The following PLOD1 variants were observed in gnomAD, a reference collection of about 807,000 sequenced individuals.
The protein encoded by PLOD1 is procollagen-lysine,2-oxoglutarate 5-dioxygenase 1.
A neutral mutation model predicts 94.7 loss-of-function variants in PLOD1; 70 were observed. The observed-to-expected ratio is 0.74, with a 90% confidence interval of 0.61 to 0.90. PLOD1 has a LOEUF of 0.90. Among genes scored for constraint, PLOD1 ranks in the 40% least tolerant of loss-of-function variants. The probability of loss-of-function intolerance (pLI) is 0.00; values close to 1 mark genes in which losing one functional copy is unlikely to be tolerated. For synonymous variants in PLOD1, 417 were observed against 400.2 expected, an observed-to-expected ratio of 1.04 and a Z score of -0.50; for missense variants, 905 against 972.7, an observed-to-expected ratio of 0.93 and a Z score of 0.93.
chr1:11,956,729 T>TC (rs1284848734), intron 6 of PLOD1, among the ~76,000 whole-genome samples, 188 bp from the exon 7 acceptor site: 1 of 152,028 alleles, frequency 6.6e-6, no homozygotes, highest in Non-Finnish European at 1.5e-5. Flanking sequence ...ACACAAATCC[T>TC]CCCCCTCACC....
rs200395169 is a variant in PLOD1 at position 11,970,825 on chromosome 1, G to T, written c.1902+9G>T. The stretch of plus-strand genomic sequence containing the variant: ...CCGGCTACTACACCAGGGTGGGCAA[G>T]CCTGGGGCATAGCCAGGATGCGGGG... On this transcript the variant is annotated intron_variant, in intron 17 of 18. Transcript: ENST00000196061. The T allele has an allele frequency of 1.0e-5, 16 of 1,605,206 alleles. No homozygotes were observed. In the East Asian group the frequency reaches 3.4e-4, roughly 34 times the overall value.
chr1:11,973,190 C>T (rs1009838954), intron 18 of PLOD1, among the ~76,000 whole-genome samples, 193 bp downstream of exon 18: 6 of 152,078 alleles, frequency 3.9e-5, no homozygotes, highest in Admixed American at 2.0e-4. Flanking sequence ...GGGCCAGGCT[C>T]TTAAGCTACT....
chr1:11,943,301 T>TTTC (rs200602795), intron 1 of PLOD1, among the ~76,000 whole-genome samples: 1,076 of 101,876 alleles, frequency 0.011, 10 homozygotes, highest in African/African-American at 0.031. Flanking sequence ...TTTTTCTTTC[T>TTTC]TTTTTTTTTT....
chr1:11,935,002 CTT>C (rs904836001), intron 1 of PLOD1, 147 bp downstream of exon 1: 24 of 1,070,208 alleles, frequency 2.2e-5, no homozygotes, highest in Non-Finnish European at 2.6e-5. Flanking sequence ...TCGCTGGTGA[CTT>C]GAACAAATCA....
At chr1:11,944,927 C>A (rs1489495161) in intron 1 of PLOD1, among the ~76,000 whole-genome samples, 2 of 152,224 alleles carry the variant, frequency 1.3e-5, no homozygotes, top group Non-Finnish European at 2.9e-5. Context: ...TGCTGTCAAT[C>A]TGGCCACCAG....
intron 1 of PLOD1, among the ~76,000 whole-genome samples, chr1:11,939,187 A>C (rs1048426700): frequency 6.6e-6 from 1 of 152,044 alleles, no homozygotes; most frequent in Non-Finnish European, 1.5e-5. Context: ...GAAGGGTCCC[A>C]GGAGTCAGTC....
At chr1:11,948,599 A>G (rs115189622) in intron 2 of PLOD1, among the ~76,000 whole-genome samples, 12,432 of 152,076 alleles carry the variant, frequency 0.082, 604 homozygotes, top group South Asian at 0.13. Flanking sequence ...GCATGATGGC[A>G]CGCACCTGTA....
intron 6 of PLOD1, among the ~76,000 whole-genome samples, chr1:11,956,141 T>TG (rs887636601): frequency 6.7e-6 from 1 of 148,946 alleles, no homozygotes; most frequent in African/African-American, 2.5e-5. Flanking sequence ...CCCAGCACTT[T>TG]GGGAGGCCAA....
intron 9 of PLOD1, 28 bp from the exon 10 acceptor site, chr1:11,960,618 G>C (rs759025771): frequency 1.1e-4 from 114 of 1,004,930 alleles, no homozygotes; most frequent in Non-Finnish European, 1.7e-4. Context: ...CCTCACCCCC[G>C]CATCCCCTTC....
In PLOD1 at chr1:11,974,965, T is replaced by C. The variant is rs1569746681; in HGVS notation, c.*157T>C. 1.3e-6 allele frequency: 1 copy of C among 783,630 alleles called. No homozygotes were observed. The highest frequency in any genetic ancestry group is 2.6e-5 in the East Asian group (1 of 39,130). 48.5% of individuals were successfully genotyped at this position (783,630 alleles called of 1,614,324 possible). The stretch of plus-strand genomic sequence containing the variant: ...ACCAATCAAAGAGATTCAAAGAGAT[T>C]CCTGCAGGCCAGAGGCGGAACACAC... On this transcript the variant is annotated 3_prime_UTR_variant, in exon 19 of 19. Transcript: ENST00000196061.
chr1:11,958,624 A>G lies in PLOD1; in HGVS notation c.952A>G (p.Met318Val). 3 of 1,614,060 alleles carry G rather than the reference A, an allele frequency of 1.9e-6. No individual in the cohort carries two copies. Among genetic ancestry groups the G allele is most frequent in the Non-Finnish European group, 1.7e-6 (2 of 1,180,016 alleles). Residue 318 changes from methionine (M) to valine (V), a missense_variant, in exon 9 of 19, where the codon ATG (methionine) becomes GTG (valine). Coordinates refer to ENST00000196061, the MANE Select transcript of PLOD1 (RefSeq NM_000302.4). The surrounding 1 kb of genome is among the most constrained non-coding windows in gnomAD (Gnocchi z 4.3). Reference sequence around the variant, plus strand: ...GCGGCTCCACTACCCCCAGAAACACATGCGACTTTTCATCCACAACCACGT... The same window carrying G: ...GCGGCTCCACTACCCCCAGAAACACGTGCGACTTTTCATCCACAACCACGT... ...LLRLHYPQKH[M>V]RLFIHNHEQH...
At chr1:11,966,965 A>C in intron 15 of PLOD1, 22 bp from the exon 16 acceptor site, 1 of 1,465,250 alleles carries the variant, frequency 6.8e-7, no homozygotes, top group African/African-American at 1.4e-5. Context: ...GACCCCCTTG[A>C]CTGAGTCCCT....
At position 11,958,243 on chromosome 1, in the gene PLOD1, C is replaced by T. The variant is rs1323150196; in HGVS notation, c.844-273C>T. Among the ~76,000 whole-genome samples the T allele has an allele frequency of 1.3e-5, 2 of 152,044 alleles. No homozygotes were observed. Among genetic ancestry groups the T allele is most frequent in the African/African-American group, 2.4e-5 (1 of 41,402 alleles). ...CCTCATCCTCATTTATGACTCACCT[C>T]GAACACCACGCCAGCCACGATCTCC... On this transcript the variant is annotated intron_variant, in intron 8 of 18. Transcript: ENST00000196061. This position sits in a 1 kb window ranked among gnomAD's most constrained non-coding sequence, Gnocchi z 4.3.
chr1:11,972,745 G>A lies in PLOD1; in HGVS notation c.1903-127G>A, dbSNP rs1645875260. ...CAGGCACTCGAGCATAGAGCCCCAT[G>A]TAGACCTGGCCCCTGTAAGCTGACC... On this transcript the variant is annotated intron_variant, in intron 17 of 18. Coordinates refer to ENST00000196061, the MANE Select transcript of PLOD1 (RefSeq NM_000302.4). This position sits in a 1 kb window ranked among gnomAD's most constrained non-coding sequence, Gnocchi z 4.6. The A allele has an allele frequency of 8.1e-6, 8 of 986,900 alleles. No individual in the cohort carries two copies. The Admixed American group carries it at 1.2e-4, about 15-fold the overall frequency. 61.1% of individuals were successfully genotyped at this position (986,900 alleles called of 1,614,324 possible).
At chr1:11,966,546 G>T in intron 15 of PLOD1, 1 of 552,832 alleles carries the variant, frequency 1.8e-6, no homozygotes, top group South Asian at 1.9e-5. Context: ...AGGCAGGATG[G>T]CCCCTCTACC....
intron 4 of PLOD1, among the ~76,000 whole-genome samples, chr1:11,951,873 C>A (rs916464088): frequency 6.6e-6 from 1 of 151,782 alleles, no homozygotes; most frequent in Non-Finnish European, 1.5e-5. Flanking sequence ...GAGCCGAGAT[C>A]GTGCCACTGC....
At chr1:11,956,894 G>C (rs780769478) in intron 6 of PLOD1, 23 bp from the exon 7 acceptor site, 2 of 1,540,674 alleles carry the variant, frequency 1.3e-6, no homozygotes, top group Non-Finnish European at 1.8e-6. Context: ...ATGCTGGGTG[G>C]GACTGTGCTT....
Position 11,964,103 on chromosome 1 carries a change from C to T in PLOD1, c.1203-72C>T, listed in dbSNP as rs201230979. On this transcript the variant is annotated intron_variant, in intron 11 of 18. Transcript: ENST00000196061. ...CAGGTTGAGGGGCACCTACCTCCCC[C>T]CATCCCTGGTTAGTGCTGTCTCCTA... 1.5e-5 allele frequency: 23 copies of T among 1,485,476 alleles called. No individual in the cohort carries two copies. In the South Asian group the frequency reaches 2.4e-4, roughly 15 times the overall value. 92.0% of individuals were successfully genotyped at this position (1,485,476 alleles called of 1,614,324 possible).
intron 1 of PLOD1, among the ~76,000 whole-genome samples, chr1:11,941,574 G>A (rs966945282): frequency 3.3e-4 from 50 of 152,164 alleles, no homozygotes; most frequent in African/African-American, 1.0e-3. Flanking sequence ...TCTGCCTCCT[G>A]GGTCAAGCAA....
Sources: gnomAD v4.1 joint callset for allele counts (sites outside exome capture counted in the v4.1 genomes callset) on GRCh38, gnomAD v4.1.1 for gene constraint, Gnocchi (gnomAD v3.1) non-coding constraint, MANE v1.5 for transcripts, NCBI Gene and HGNC (gene_info 2026-07-23, HGNC 2026-07-21) for gene names.